The following SLC8A1 variants were observed in gnomAD, a reference collection of about 807,000 sequenced individuals.
The protein encoded by SLC8A1 is solute carrier family 8 member A1, also known as sodium/calcium exchanger 1.
In SLC8A1, 18 loss-of-function variants were observed where a neutral mutation model predicts 68.3. That is an observed-to-expected ratio of 0.26 (90% CI 0.18 to 0.39). The LOEUF is 0.39. Ranked by LOEUF, SLC8A1 falls within the 10% of genes least tolerant of loss-of-function variation. The pLI, the probability that SLC8A1 is intolerant of heterozygous loss-of-function variation, is 1.00. For missense variants in SLC8A1, 985 were observed against 1,156.7 expected, an observed-to-expected ratio of 0.85 and a Z score of 2.15; for synonymous variants, 475 against 415.5, an observed-to-expected ratio of 1.14 and a Z score of -1.74.
At chr2:40,315,197 A>G (rs1219813193) in intron 2 of SLC8A1, among the ~76,000 whole-genome samples, 1 of 151,994 alleles carries the variant, frequency 6.6e-6, no homozygotes, top group Non-Finnish European at 1.5e-5. Flanking sequence ...TCTTAACATC[A>G]GGGACAGATG....
intron 7 of SLC8A1, among the ~76,000 whole-genome samples, chr2:40,129,489 G>A (rs1174946275): frequency 6.6e-6 from 1 of 152,074 alleles, no homozygotes; most frequent in East Asian, 1.9e-4. Context: ...TCCTGCCTTG[G>A]CCTCCCAAAG....
At chr2:40,187,457 G>C (rs1341523962) in intron 2 of SLC8A1, among the ~76,000 whole-genome samples, 1 of 116,178 alleles carries the variant, frequency 8.6e-6, no homozygotes, top group African/African-American at 3.4e-5. Context: ...CAGAGCAAGA[G>C]ACAGCGACAG....
At chr2:40,177,668 GGA>G (rs921295355) in intron 3 of SLC8A1, 3 of 826,792 alleles carry the variant, frequency 3.6e-6, no homozygotes, top group Non-Finnish European at 6.0e-6. Context: ...CCGAGGAAGA[GGA>G]GAGAGTTAAG....
chr2:40,468,220 A>G (rs1416167603), intron 1 of SLC8A1, among the ~76,000 whole-genome samples: 1 of 152,162 alleles, frequency 6.6e-6, no homozygotes, highest in Non-Finnish European at 1.5e-5. Context: ...AAGTATACTC[A>G]TTCATTTTTC....
At chr2:40,196,604 T>C (rs1013790468) in intron 2 of SLC8A1, among the ~76,000 whole-genome samples, 1 of 151,996 alleles carries the variant, frequency 6.6e-6, no homozygotes, top group African/African-American at 2.4e-5. Context: ...CCCTAATATA[T>C]CTAATGCAAT....
intron 1 of SLC8A1, among the ~76,000 whole-genome samples, chr2:40,495,882 A>G (rs1705663008): frequency 6.6e-6 from 1 of 152,084 alleles, no homozygotes; most frequent in Non-Finnish European, 1.5e-5. Flanking sequence ...AGGCTTCGTC[A>G]TAAAGAACTG....
exon 8 of SLC8A1, chr2:40,109,130 A>G (rs1209570908): frequency 6.6e-6 from 1 of 152,204 alleles, no homozygotes; most frequent in African/African-American, 2.4e-5. Context: ...CTGTCAAAGT[A>G]GACAGATTAA....
chr2:40,376,331 C>G (rs1327288745), intron 2 of SLC8A1, among the ~76,000 whole-genome samples: 1 of 152,024 alleles, frequency 6.6e-6, no homozygotes, highest in Non-Finnish European at 1.5e-5. Context: ...ATCATGGTCA[C>G]CTGGGATTAG....
chr2:40,107,418 T>A (rs536279101), exon 8 of SLC8A1: 12 of 152,114 alleles, frequency 7.9e-5, no homozygotes, highest in Non-Finnish European at 1.6e-4. Flanking sequence ...AGCATATTTT[T>A]TTCCAGAGCT....
intron 6 of SLC8A1, among the ~76,000 whole-genome samples, chr2:40,151,418 T>C (rs1308624342): frequency 6.6e-6 from 1 of 152,212 alleles, no homozygotes; most frequent in Non-Finnish European, 1.5e-5. Flanking sequence ...GACTTAGCAT[T>C]GCCAAGCGCT....
chr2:40,340,544 G>C (rs555695540), intron 2 of SLC8A1, among the ~76,000 whole-genome samples: 68 of 152,272 alleles, frequency 4.5e-4, no homozygotes, highest in Non-Finnish European at 4.4e-5. Context: ...CTGGCCAACA[G>C]AGTGAGACTC....
chr2:40,171,208 A>G (rs2047432008), intron 4 of SLC8A1, among the ~76,000 whole-genome samples: 1 of 152,216 alleles, frequency 6.6e-6, no homozygotes, highest in Non-Finnish European at 1.5e-5. Context: ...GAATTTGAAC[A>G]GGCTTTGTTC....
At chr2:40,206,685 G>A (rs1258897296) in intron 2 of SLC8A1, among the ~76,000 whole-genome samples, 2 of 151,906 alleles carry the variant, frequency 1.3e-5, no homozygotes, top group Non-Finnish European at 2.9e-5. Context: ...TTAGGCCTGG[G>A]AACAAAATGT....
intron 2 of SLC8A1, among the ~76,000 whole-genome samples, chr2:40,242,127 G>C (rs1025557699): frequency 6.6e-6 from 1 of 151,966 alleles, no homozygotes; most frequent in South Asian, 2.1e-4. Flanking sequence ...TTAAGTGTGA[G>C]AAGGATGTGT....
intron 1 of SLC8A1, among the ~76,000 whole-genome samples, chr2:40,491,174 T>C (rs1264721808): frequency 2.6e-5 from 4 of 152,196 alleles, no homozygotes; most frequent in African/African-American, 9.6e-5. Context: ...CTTAGGTTTG[T>C]AGTTCTCCTT....
intron 2 of SLC8A1, among the ~76,000 whole-genome samples, chr2:40,204,551 A>G (rs1255947150): frequency 1.3e-5 from 2 of 151,998 alleles, no homozygotes; most frequent in East Asian, 3.9e-4. Flanking sequence ...CCCAACCAGT[A>G]AGAGAACATG....
At position 40,416,054 on chromosome 2, in the gene SLC8A1, T is replaced by TAAAA. The variant is rs779668065; in HGVS notation, c.1808+12415_1808+12418dup. Among the ~76,000 whole-genome samples, 14 of 116,260 alleles carry TAAAA rather than the reference T, an allele frequency of 1.2e-4. 1 individual carries two copies. Among genetic ancestry groups the TAAAA allele is most frequent in the South Asian group, 5.9e-4 (2 of 3,404 alleles). 76.3% of individuals were successfully genotyped at this position (116,260 alleles called of 152,430 possible). On this transcript the variant is annotated intron_variant, in intron 2 of 7. Transcript: ENST00000406785. ...TGACAGATTGAGCGAGGCTCTGTTT[T>TAAAA]AAAAAAAAAAAAAAAAAAAAAGCAA...
intron 2 of SLC8A1, among the ~76,000 whole-genome samples, chr2:40,405,283 G>C (rs1476680840): frequency 6.6e-6 from 1 of 152,174 alleles, no homozygotes; most frequent in African/African-American, 2.4e-5. Context: ...GAGTTAGAAG[G>C]AGACATACAC....
chr2:40,419,249 A>C lies in SLC8A1; in HGVS notation c.1808+9224T>G, dbSNP rs142135121. Among the ~76,000 whole-genome samples the C allele has an allele frequency of 2.5e-3, 379 of 152,294 alleles. 1 individual carries two copies. The highest frequency in any genetic ancestry group is 8.7e-3 in the African/African-American group (360 of 41,578). On this transcript the variant is annotated intron_variant, in intron 2 of 7. Transcript: ENST00000406785. ...TTCCACCGGCTACTTCTGGCTTCTC[A>C]AACACACTCAGGCACGTACACTTGA...
Sources: gnomAD v4.1 joint callset for allele counts (sites outside exome capture counted in the v4.1 genomes callset) on GRCh38, gnomAD v4.1.1 for gene constraint, MANE v1.5 for transcripts, NCBI Gene and HGNC (gene_info 2026-07-23, HGNC 2026-07-21) for gene names.